Variants in PASK observed in about 807,000 individuals in gnomAD.
PASK encodes PAS domain containing serine/threonine kinase.
A neutral mutation model predicts 121.0 loss-of-function variants in PASK; 110 were observed. That is an observed-to-expected ratio of 0.91 (90% CI 0.78 to 1.06). The LOEUF (loss-of-function observed/expected upper bound fraction) is 1.06. Among genes scored for constraint, PASK ranks in the 50% least tolerant of loss-of-function variants. PASK has a pLI of 0.00. For synonymous variants in PASK, 686 were observed against 717.8 expected (o/e 0.96, Z 0.71); for missense variants, 1,643 against 1,702.3 (o/e 0.97, Z 0.61).
intron 16 of PASK, 44 bp from the exon 17 acceptor site, chr2:241,107,543 A>G: frequency 6.3e-7 from 1 of 1,595,134 alleles, no homozygotes; most frequent in Non-Finnish European, 8.6e-7. Context: ...GATTGGGATG[A>G]AGTGGAGCAC....
chr2:241,143,606 T>C (rs977969398), intron 1 of PASK, among the ~76,000 whole-genome samples: 4 of 145,810 alleles, frequency 2.7e-5, no homozygotes, highest in African/African-American at 5.1e-5. Flanking sequence ...TAGGAAGATA[T>C]GGGAAAGAGG....
chr2:241,149,172 G>A (rs2067144544), intron 1 of PASK, among the ~76,000 whole-genome samples: 1 of 152,138 alleles, frequency 6.6e-6, no homozygotes. Context: ...CCCCGAAGAC[G>A]CTGGGGGCGC....
chr2:241,130,433 A>G (rs1428990852), intron 9 of PASK, among the ~76,000 whole-genome samples: 1 of 152,150 alleles, frequency 6.6e-6, no homozygotes, highest in African/African-American at 2.4e-5. Flanking sequence ...GCAACGGGCC[A>G]CGTGGCCTCT....
At chr2:241,111,736 C>G (rs943654672) in intron 15 of PASK, among the ~76,000 whole-genome samples, 6 of 152,222 alleles carry the variant, frequency 3.9e-5, no homozygotes, top group Non-Finnish European at 8.8e-5. Context: ...AGAGGCTCAG[C>G]TGGCCCACTC....
At chr2:241,118,771 G>C (rs983425505) in intron 12 of PASK, 1 of 312,298 alleles carries the variant, frequency 3.2e-6, no homozygotes, top group African/African-American at 2.2e-5. Context: ...AGGGGCCCAC[G>C]GCGCAGGGCA....
Position 241,127,073 on chromosome 2 carries a change from C to T in PASK, c.1842G>A (p.Gly614=). Residue 614 remains glycine (G), a synonymous_variant, in exon 10 of 18, where the codon GGG becomes GGA. Transcript: ENST00000234040. ...GSLLMHCPCY[G]SEWGLWWRSQ... is the part of the protein sequence containing the mutation. Reference sequence around the variant, plus strand: ...TTCGCCACCACAAGCCCCATTCACTCCCATAGCAAGGGCAGTGCATCAGGA... The same window carrying T: ...TTCGCCACCACAAGCCCCATTCACTTCCATAGCAAGGGCAGTGCATCAGGA... The T allele has an allele frequency of 6.2e-7, 1 of 1,614,164 alleles. No homozygotes were observed. The highest frequency in any genetic ancestry group is 8.5e-7 in the Non-Finnish European group (1 of 1,180,052).
At position 241,126,398 on chromosome 2, in the gene PASK, G is replaced by A. The variant is rs778801015; in HGVS notation, c.2517C>T (p.Ser839=). 25 of 1,614,252 alleles carry A rather than the reference G, an allele frequency of 1.5e-5. No homozygotes were observed. The highest frequency in any genetic ancestry group is 2.7e-5 in the African/African-American group (2 of 75,068). The stretch of plus-strand genomic sequence containing the variant: ...GAACGTGTCCTGGGCTTTCTCTGTC[G>A]CTTGCTGCATAATGCTCAGAGGACA... The part of the protein sequence containing the change: ...CLVSSEHYAA[S]DRESPGHVPS... Residue 839 remains serine, a synonymous_variant, in exon 10 of 18, where the codon AGC becomes AGT. Transcript: ENST00000234040.
In PASK at chr2:241,138,647, C is replaced by T. The variant is rs755071026; in HGVS notation, c.741+7G>A. ...CCATGAGACATGAGGCAAAGTTGCA[C>T]ACTCACATCGCTCTGGAAAGCGACC... On this transcript the variant is annotated splice_region_variant and intron_variant, in intron 5 of 17. Transcript: ENST00000234040. 2.5e-6 allele frequency: 4 copies of T among 1,613,908 alleles called. No individual in the cohort carries two copies. Among genetic ancestry groups the T allele is most frequent in the Non-Finnish European group, 3.4e-6 (4 of 1,180,020 alleles).
Position 241,120,492 on chromosome 2 carries a change from C to CAAAAAAAAAAAA in PASK, c.3072+2239_3072+2240insTTTTTTTTTTTT, listed in dbSNP as rs568145375. ...TGGGCGACAAAGCAAGACTCTGTCT[C>CAAAAAAAAAAAA]AAAAGAAAAAAAAAATGGGCAAAGG... On this transcript the variant is annotated intron_variant, in intron 12 of 17. Transcript: ENST00000234040. Among the ~76,000 whole-genome samples, 11 of 140,028 alleles carry CAAAAAAAAAAAA rather than the reference C, an allele frequency of 7.9e-5. 1 individual carries two copies. The highest frequency in any genetic ancestry group is 1.3e-4 in the Non-Finnish European group (8 of 63,034). The allele number at this position is 140,028 out of a possible 152,430, so 91.9% of individuals were successfully genotyped here. A position where few individuals can be genotyped will look rare whatever the true frequency, so the allele number is the denominator to read the frequency against.
Position 241,143,023 on chromosome 2 carries a change from C to A in PASK, c.10G>T (p.Gly4Trp), listed in dbSNP as rs767271662. The change falls in exon 2 of 18, where the codon GGG becomes TGG. Residue 4 changes from glycine (G) to tryptophan (W), a missense_variant. Physicochemically the swap from Gly to Trp is radical, Grantham distance 184 (BLOSUM62 -2). Around this residue, in one of 3 missense-constraint regions of PASK, gnomAD observed 1,176 missense variants for 1,162.2 expected, o/e 1.01. Transcript: ENST00000234040. ...TCCTCTTCAAAGGCTGTTAAGCCCC[C>A]GTCCTCCATGGGAAGAAGGGAGGCC... MED[G>W]GLTAFEEDQR... The A allele has an allele frequency of 3.7e-6, 6 of 1,613,642 alleles. No individual in the cohort carries two copies. Among genetic ancestry groups the A allele is most frequent in the Non-Finnish European group, 5.1e-6 (6 of 1,179,758 alleles).
rs369590455 is a variant in PASK, at chr2:241,106,678, C to T, written c.3860G>A (p.Ser1287Asn). 16 of 1,614,118 alleles carry T rather than the reference C, an allele frequency of 9.9e-6. No individual in the cohort carries two copies. In the African/African-American group the frequency reaches 1.1e-4, roughly 11 times the overall value. ...CTGAGCCTGGGCCACATCACTCAGGCTCCTGTTCCCCATCTCCAGGCTCGC... is the reference window on the plus strand; with the variant it reads ...CTGAGCCTGGGCCACATCACTCAGGTTCCTGTTCCCCATCTCCAGGCTCGC... ...SAASLEMGNR[S>N]LSDVAQAQEL... The change falls in exon 18 of 18, where the codon AGC becomes AAC. Residue 1287 changes from serine to asparagine, a missense_variant. Coordinates refer to ENST00000234040, the MANE Select transcript of PASK (RefSeq NM_015148.4).
At chr2:241,118,416 G>T (rs879697355) in intron 12 of PASK, among the ~76,000 whole-genome samples, 3 of 152,070 alleles carry the variant, frequency 2.0e-5, no homozygotes, top group Non-Finnish European at 2.9e-5. Flanking sequence ...TTTGACAAGG[G>T]TGCCAAAAAC....
intron 9 of PASK, among the ~76,000 whole-genome samples, chr2:241,129,809 C>T (rs990652239): frequency 6.6e-6 from 1 of 152,186 alleles, no homozygotes; most frequent in Non-Finnish European, 1.5e-5. Flanking sequence ...CTGCTGGGAC[C>T]TCAACCCAGG....
Position 241,146,411 on chromosome 2 carries a change from G to A in PASK, c.-43+3003C>T, listed in dbSNP as rs185085634. Among the ~76,000 whole-genome samples, 166 of 152,256 alleles carry A rather than the reference G, an allele frequency of 1.1e-3. 3 individuals carry two copies. The highest frequency in any genetic ancestry group is 4.0e-3 in the African/African-American group (166 of 41,546). On this transcript the variant is annotated intron_variant, in intron 1 of 17. Transcript: ENST00000234040. The stretch of plus-strand genomic sequence containing the variant: ...ACACCAGAATGTTCGGGACAATATG[G>A]TTCTCAATGGCAAAGAGACAGGCAG...
At chr2:241,114,585 C>A in intron 14 of PASK, 1 of 1,030,762 alleles carries the variant, frequency 9.7e-7, no homozygotes, top group Non-Finnish European at 1.2e-6. Context: ...CGAAACAGAT[C>A]AAGACAAATA....
chr2:241,125,848 A>ATC (rs2125426304), intron 10 of PASK, among the ~76,000 whole-genome samples: 1 of 152,170 alleles, frequency 6.6e-6, no homozygotes, highest in South Asian at 2.1e-4. Context: ...GTGGAGAGAC[A>ATC]GACTCTAGCG....
At chr2:241,107,191 CCT>C (rs774455769) in intron 17 of PASK, among the ~76,000 whole-genome samples, 160 bp downstream of exon 17, 12 of 152,316 alleles carry the variant, frequency 7.9e-5, no homozygotes, top group Non-Finnish European at 1.5e-4. Flanking sequence ...AATCAAACCC[CCT>C]CTCACAGGTG....
At chr2:241,123,124 G>A (rs1337502310) in intron 11 of PASK, among the ~76,000 whole-genome samples, 2 of 151,416 alleles carry the variant, frequency 1.3e-5, no homozygotes, top group African/African-American at 2.4e-5. Context: ...ATGTCGAAAC[G>A]TGTTTACACC....
Position 241,126,366 on chromosome 2 carries a change from G to T in PASK, c.2549C>A (p.Thr850Lys). 6.2e-7 allele frequency: 1 copy of T among 1,614,214 alleles called. No homozygotes were observed. The highest frequency in any genetic ancestry group is 1.1e-5 in the South Asian group (1 of 91,088). The change falls in exon 10 of 18, where the codon ACG becomes AAG. Residue 850 changes from threonine to lysine, a missense_variant. Around this residue, in one of 3 missense-constraint regions of PASK, gnomAD observed 1,176 missense variants for 1,162.2 expected, o/e 1.01. Transcript: ENST00000234040. Reference protein sequence around the residue: ...DRESPGHVPSTLDAGPEDTCP... With the variant: ...DRESPGHVPSKLDAGPEDTCP... ...CGTGTCCTCAGGGCCAGCATCCAACGTGGAAGGAACGTGTCCTGGGCTTTC... is the reference window on the plus strand; with the variant it reads ...CGTGTCCTCAGGGCCAGCATCCAACTTGGAAGGAACGTGTCCTGGGCTTTC...
Sources: allele counts gnomAD v4.1 joint callset (sites outside exome capture counted in the v4.1 genomes callset), GRCh38; gene constraint gnomAD v4.1.1; regional missense constraint gnomAD v4.1.1; transcripts MANE v1.5; gene names NCBI Gene and HGNC (gene_info 2026-07-23, HGNC 2026-07-21).